Variants in TAS2R40 observed in about 807,000 individuals in gnomAD.
The protein encoded by TAS2R40 is taste 2 receptor member 40, also known as taste receptor type 2 member 40.
In TAS2R40, 14 loss-of-function variants were observed where a neutral mutation model predicts 16.5. The observed-to-expected ratio is 0.85, with a 90% CI of 0.56 to 1.32. The LOEUF (loss-of-function observed/expected upper bound fraction) is 1.32. TAS2R40 is among the 40% of genes most tolerant of loss of function. The pLI is 0.00. For synonymous variants in TAS2R40, 152 were observed against 150.2 expected (o/e 1.01, Z -0.09); for missense variants, 350 against 385.9 (o/e 0.91, Z 0.78).
rs201094318 is a variant in TAS2R40, at chr7:143,222,331, C to T, written c.253C>T (p.Arg85Ter). The T allele has an allele frequency of 1.2e-5, 20 of 1,614,038 alleles. 1 individual carries two copies. The highest frequency in any genetic ancestry group is 5.3e-5 in the African/African-American group (4 of 74,928). ...MLENIFSLLFRIVYNQNSVYI... is the reference protein window; with the variant it reads ...MLENIFSLLF ...GGAGAACATTTTCAGTCTGCTATTCCGAATTGTTTATAACCAAAACTCAGT... is the reference window on the plus strand; with the variant it reads ...GGAGAACATTTTCAGTCTGCTATTCTGAATTGTTTATAACCAAAACTCAGT... The change falls in exon 1 of 1, where the codon CGA becomes TGA. Residue 85 changes from arginine (R) to a stop codon, truncating the protein, a stop_gained. Transcript: ENST00000408947. LOFTEE classifies it high-confidence loss of function.
In TAS2R40 at chr7:143,222,937, G is replaced by A; in HGVS notation, c.859G>A (p.Ala287Thr). 6.2e-7 allele frequency: 1 copy of A among 1,614,140 alleles called. No individual in the cohort carries two copies. Among genetic ancestry groups the A allele is most frequent in the East Asian group, 2.2e-5 (1 of 44,872 alleles). The change falls in exon 1 of 1, where the codon GCC becomes ACC. Residue 287 changes from alanine to threonine, a missense_variant. Transcript: ENST00000408947. The stretch of plus-strand genomic sequence containing the variant: ...TATTTTGTGCAAGATCATCATGGCT[G>A]CCTACCCTGCCGGCCACTCAGTACA... Reference protein sequence around the residue: ...WNILCKIIMAAYPAGHSVQLI... With the variant: ...WNILCKIIMATYPAGHSVQLI...
In TAS2R40 at chr7:143,222,700, A is replaced by G. The variant is rs763043636; in HGVS notation, c.622A>G (p.Met208Val). Residue 208 changes from methionine (M) to valine (V), a missense_variant, in exon 1 of 1, where the codon ATG (methionine) becomes GTG (valine). Met to Val is a conservative substitution (Grantham distance 21). Coordinates refer to ENST00000408947, the MANE Select transcript of TAS2R40 (RefSeq NM_176882.2). Reference sequence around the variant, plus strand: ...CATGGGGATCTTCGTTCCTCTGATCATGTTCATCCTGGCAGCCACCCTGCT... The same window carrying G: ...CATGGGGATCTTCGTTCCTCTGATCGTGTTCATCCTGGCAGCCACCCTGCT... ...YNMGIFVPLI[M>V]FILAATLLIL... 1.2e-6 allele frequency: 2 copies of G among 1,614,090 alleles called. No individual in the cohort carries two copies. The highest frequency in any genetic ancestry group is 2.2e-5 in the East Asian group (1 of 44,870).
Position 143,222,820 on chromosome 7 carries a change from G to A in TAS2R40, c.742G>A (p.Ala248Thr). The change falls in exon 1 of 1, where the codon GCC (alanine) becomes ACC (threonine). Residue 248 changes from alanine (A) to threonine (T), a missense_variant. Physicochemically the swap from Ala to Thr is moderately conservative, Grantham distance 58. Transcript: ENST00000408947. Reference protein sequence around the residue: ...SMKAHIGAIKATSYFLILYIF... With the variant: ...SMKAHIGAIKTTSYFLILYIF... ...GAAGGCTCACATAGGGGCCATCAAA[G>A]CCACCAGCTACTTTCTCATCCTCTA... is the stretch of plus-strand genomic sequence containing the variant. 6.2e-7 allele frequency: 1 copy of A among 1,614,132 alleles called. No individual in the cohort carries two copies. Among genetic ancestry groups the A allele is most frequent in the African/African-American group, 1.3e-5 (1 of 75,040 alleles).
Position 143,222,645 on chromosome 7 carries a change from C to T in TAS2R40, c.567C>T (p.Thr189=). The T allele has an allele frequency of 6.2e-7, 1 of 1,614,106 alleles. No individual in the cohort carries two copies. Residue 189 remains threonine, a synonymous_variant, in exon 1 of 1, where the codon ACC becomes ACT. Coordinates refer to ENST00000408947, the MANE Select transcript of TAS2R40 (RefSeq NM_176882.2). ...CGGAGAAGAAGTACTTCTCTGAGAC[C>T]AATATGGTCAACCTGGTATTTTTCT... ...NSTEKKYFSE[T]NMVNLVFFYN... is the part of the protein sequence containing the mutation.
Position 143,222,108 on chromosome 7 carries a change from T to TA in TAS2R40, c.33dup (p.Asp12ArgfsTer35), listed in dbSNP as rs747905904. ...CAACGGTGAACACAGATGCCACAGATAAAGACATATCCAAGTTCAAGGTCA... is the reference window on the plus strand; with the variant it reads ...CAACGGTGAACACAGATGCCACAGATAAAAGACATATCCAAGTTCAAGGTCA... On this transcript the variant is annotated frameshift_variant, in exon 1 of 1. Transcript: ENST00000408947. LOFTEE classifies it high-confidence loss of function. 6.2e-7 allele frequency: 1 copy of TA among 1,613,916 alleles called. No homozygotes were observed. Among genetic ancestry groups the TA allele is most frequent in the East Asian group, 2.2e-5 (1 of 44,880 alleles).
In TAS2R40 at chr7:143,222,575, A is replaced by T. The variant is rs930215695; in HGVS notation, c.497A>T (p.Asn166Ile). 6.2e-7 allele frequency: 1 copy of T among 1,614,194 alleles called. No homozygotes were observed. The highest frequency in any genetic ancestry group is 8.5e-7 in the Non-Finnish European group (1 of 1,180,026). ...TTTCCTCTCTCGAGAGATGTCTTCAATGTGTATGTGAATAGCTCCATTCCT... is the reference window on the plus strand; with the variant it reads ...TTTCCTCTCTCGAGAGATGTCTTCATTGTGTATGTGAATAGCTCCATTCCT... ...FSFPLSRDVFNVYVNSSIPIP... is the reference protein window; with the variant it reads ...FSFPLSRDVFIVYVNSSIPIP... Residue 166 changes from asparagine to isoleucine, a missense_variant, in exon 1 of 1, where the codon AAT becomes ATT. Coordinates refer to ENST00000408947, the MANE Select transcript of TAS2R40 (RefSeq NM_176882.2).
At position 143,222,282 on chromosome 7, in the gene TAS2R40, C is replaced by T; in HGVS notation, c.204C>T (p.Leu68=). The T allele has an allele frequency of 6.2e-7, 1 of 1,614,166 alleles. No homozygotes were observed. The highest frequency in any genetic ancestry group is 8.5e-7 in the Non-Finnish European group (1 of 1,180,022). ...TGTTGATGCTGAGCTTTTCCAGGCT[C>T]TTGCTACAGATTTGGATGATGCTGG... ...RIMLMLSFSR[L]LLQIWMMLEN... The change falls in exon 1 of 1, where the codon CTC becomes CTT. Residue 68 remains leucine (L), a synonymous_variant. Transcript: ENST00000408947.
rs1479850547 is a variant in TAS2R40 at position 143,222,679 on chromosome 7, G to A, written c.601G>A (p.Gly201Arg). ...MVNLVFFYNM[G>R]IFVPLIMFIL... ...CAACCTGGTATTTTTCTATAACATG[G>A]GGATCTTCGTTCCTCTGATCATGTT... The change falls in exon 1 of 1, where the codon GGG (glycine) becomes AGG (arginine). Residue 201 changes from glycine to arginine, a missense_variant. By Grantham distance (125) the Gly-to-Arg change is moderately radical. Coordinates refer to ENST00000408947, the MANE Select transcript of TAS2R40 (RefSeq NM_176882.2). 15 of 1,613,758 alleles carry A rather than the reference G, an allele frequency of 9.3e-6. No homozygotes were observed. Among genetic ancestry groups the A allele is most frequent in the South Asian group, 2.2e-5 (2 of 91,048 alleles).
At position 143,223,077 on chromosome 7, in the gene TAS2R40, C is replaced by A; in HGVS notation, c.*27C>A. ...TGGAACTCACGGAGTTCTGCGGGAC[C>A]TGGTCCAACCACTTCTGCCTTTGCC... On this transcript the variant is annotated 3_prime_UTR_variant, in exon 1 of 1. Coordinates refer to ENST00000408947, the MANE Select transcript of TAS2R40 (RefSeq NM_176882.2). 1 of 1,565,186 alleles carries A rather than the reference C, an allele frequency of 6.4e-7. No homozygotes were observed. Among genetic ancestry groups the A allele is most frequent in the South Asian group, 1.2e-5 (1 of 82,126 alleles).
rs1408474488 is a variant in TAS2R40, at chr7:143,222,475, C to T, written c.397C>T (p.Leu133=). 3.7e-6 allele frequency: 6 copies of T among 1,614,162 alleles called. No individual in the cohort carries two copies. The highest frequency in any genetic ancestry group is 5.1e-6 in the Non-Finnish European group (6 of 1,180,038). The change falls in exon 1 of 1, where the codon CTG becomes TTG. Residue 133 remains leucine, a synonymous_variant. Coordinates refer to ENST00000408947, the MANE Select transcript of TAS2R40 (RefSeq NM_176882.2). ...AAACTTCAATCATCCTTTGTTCTTCCTGATGAAGAGGAAAATCATAGTGCT... is the reference window on the plus strand; with the variant it reads ...AAACTTCAATCATCCTTTGTTCTTCTTGATGAAGAGGAAAATCATAGTGCT... ...IANFNHPLFF[L]MKRKIIVLMP...
chr7:143,222,761 G>A lies in TAS2R40; in HGVS notation c.683G>A (p.Gly228Glu). The change falls in exon 1 of 1, where the codon GGA becomes GAA. Residue 228 changes from glycine (G) to glutamate (E), a missense_variant. Transcript: ENST00000408947. ...LSLKRHTLHM[G>E]SNATGSRDPS... is the part of the protein sequence containing the mutation. ...CTCAAGAGACACACCCTACACATGG[G>A]AAGCAATGCCACAGGGTCCAGGGAC... 1 of 1,614,112 alleles carries A rather than the reference G, an allele frequency of 6.2e-7. No individual in the cohort carries two copies. The highest frequency in any genetic ancestry group is 1.1e-5 in the South Asian group (1 of 91,086).
chr7:143,222,494 T>C lies in TAS2R40; in HGVS notation c.416T>C (p.Ile139Thr), dbSNP rs1311601671. ...PLFFLMKRKIIVLMPWLLRLS... is the reference protein window; with the variant it reads ...PLFFLMKRKITVLMPWLLRLS... Reference sequence around the variant, plus strand: ...TTCTTCCTGATGAAGAGGAAAATCATAGTGCTGATGCCTTGGCTTCTCAGG... The same window carrying C: ...TTCTTCCTGATGAAGAGGAAAATCACAGTGCTGATGCCTTGGCTTCTCAGG... Residue 139 changes from isoleucine to threonine, a missense_variant, in exon 1 of 1, where the codon ATA (isoleucine) becomes ACA (threonine). Coordinates refer to ENST00000408947, the MANE Select transcript of TAS2R40 (RefSeq NM_176882.2). 17 of 1,614,056 alleles carry C rather than the reference T, an allele frequency of 1.1e-5. No individual in the cohort carries two copies. The highest frequency in any genetic ancestry group is 6.7e-5 in the East Asian group (3 of 44,888).
rs1191958380 is a variant in TAS2R40 at position 143,222,632 on chromosome 7, A to G, written c.554A>G (p.Tyr185Cys). Residue 185 changes from tyrosine to cysteine, a missense_variant, in exon 1 of 1, where the codon TAC (tyrosine) becomes TGC (cysteine). Coordinates refer to ENST00000408947, the MANE Select transcript of TAS2R40 (RefSeq NM_176882.2). The stretch of plus-strand genomic sequence containing the variant: ...TCCTCCAACTCCACGGAGAAGAAGT[A>G]CTTCTCTGAGACCAATATGGTCAAC... ...IPSSNSTEKK[Y>C]FSETNMVNLV... The G allele has an allele frequency of 1.2e-6, 2 of 1,613,936 alleles. No individual in the cohort carries two copies. Among genetic ancestry groups the G allele is most frequent in the Non-Finnish European group, 1.7e-6 (2 of 1,179,884 alleles).
rs149217752 is a variant in TAS2R40, at chr7:143,222,949, G to A, written c.871G>A (p.Gly291Ser). Reference protein sequence around the residue: ...CKIIMAAYPAGHSVQLILGNP... With the variant: ...CKIIMAAYPASHSVQLILGNP... ...GATCATCATGGCTGCCTACCCTGCCGGCCACTCAGTACAACTGATCTTGGG... is the reference window on the plus strand; with the variant it reads ...GATCATCATGGCTGCCTACCCTGCCAGCCACTCAGTACAACTGATCTTGGG... Residue 291 changes from glycine (G) to serine (S), a missense_variant, in exon 1 of 1, where the codon GGC becomes AGC. Gly to Ser is a moderately conservative substitution (Grantham distance 56, BLOSUM62 0). Coordinates refer to ENST00000408947, the MANE Select transcript of TAS2R40 (RefSeq NM_176882.2). 2.9e-3 allele frequency: 4,670 copies of A among 1,614,110 alleles called. 209 individuals carry two copies. The Admixed American group carries it at 0.071, about 24-fold the overall frequency.
Position 143,222,594 on chromosome 7 carries a change from C to T in TAS2R40, c.516C>T (p.Ser172=). Residue 172 remains serine (S), a synonymous_variant, in exon 1 of 1, where the codon TCC becomes TCT. Transcript: ENST00000408947. The part of the protein sequence containing the change: ...RDVFNVYVNS[S]IPIPSSNSTE... ...TCTTCAATGTGTATGTGAATAGCTC[C>T]ATTCCTATCCCCTCCTCCAACTCCA... 1.2e-6 allele frequency: 2 copies of T among 1,614,136 alleles called. No homozygotes were observed. Among genetic ancestry groups the T allele is most frequent in the Non-Finnish European group, 8.5e-7 (1 of 1,180,018 alleles).
In TAS2R40 at chr7:143,222,980, C is replaced by T. The variant is rs1187014643; in HGVS notation, c.902C>T (p.Pro301Leu). Residue 301 changes from proline (P) to leucine (L), a missense_variant, in exon 1 of 1, where the codon CCT (proline) becomes CTT (leucine). By Grantham distance (98) the Pro-to-Leu change is moderately conservative. Coordinates refer to ENST00000408947, the MANE Select transcript of TAS2R40 (RefSeq NM_176882.2). ...TCAGTACAACTGATCTTGGGCAACC[C>T]TGGGCTGAGAAGAGCCTGGAAGCGG... is the stretch of plus-strand genomic sequence containing the variant. ...GHSVQLILGN[P>L]GLRRAWKRFQ... 6.2e-7 allele frequency: 1 copy of T among 1,614,148 alleles called. No homozygotes were observed. The highest frequency in any genetic ancestry group is 1.1e-5 in the South Asian group (1 of 91,082).
rs1201221762 is a variant in TAS2R40 at position 143,222,668 on chromosome 7, T to C, written c.590T>C (p.Phe197Ser). ...ACCAATATGGTCAACCTGGTATTTT[T>C]CTATAACATGGGGATCTTCGTTCCT... ...SETNMVNLVF[F>S]YNMGIFVPLI... Residue 197 changes from phenylalanine (F) to serine (S), a missense_variant, in exon 1 of 1, where the codon TTC (phenylalanine) becomes TCC (serine). By Grantham distance (155) the Phe-to-Ser change is radical. Coordinates refer to ENST00000408947, the MANE Select transcript of TAS2R40 (RefSeq NM_176882.2). 1 of 1,614,008 alleles carries C rather than the reference T, an allele frequency of 6.2e-7. No homozygotes were observed. Among genetic ancestry groups the C allele is most frequent in the East Asian group, 2.2e-5 (1 of 44,880 alleles).
In TAS2R40 at chr7:143,222,289, CA is replaced by C. The variant is rs1397391685; in HGVS notation, c.212del (p.Gln71ArgfsTer4). On this transcript the variant is annotated frameshift_variant, in exon 1 of 1. Transcript: ENST00000408947. LOFTEE classifies it high-confidence loss of function. Reference protein sequence around the residue: ...LMLSFSRLLLQIWMMLENIFS... With the variant: ...LMLSFSRLLLXIWMMLENIFS... ...GCTGAGCTTTTCCAGGCTCTTGCTA[CA>C]GATTTGGATGATGCTGGAGAACATT... The C allele has an allele frequency of 1.2e-5, 20 of 1,614,038 alleles. No homozygotes were observed. Among genetic ancestry groups the C allele is most frequent in the Non-Finnish European group, 1.5e-5 (18 of 1,180,026 alleles).
chr7:143,222,539 T>C lies in TAS2R40; in HGVS notation c.461T>C (p.Leu154Ser), dbSNP rs1441734742. Residue 154 changes from leucine to serine, a missense_variant, in exon 1 of 1, where the codon TTA becomes TCA. Coordinates refer to ENST00000408947, the MANE Select transcript of TAS2R40 (RefSeq NM_176882.2). ...CTCAGGCTGTCAGTGTTGGTTTCCT[T>C]AAGCTTCAGCTTTCCTCTCTCGAGA... Reference protein sequence around the residue: ...WLLRLSVLVSLSFSFPLSRDV... With the variant: ...WLLRLSVLVSSSFSFPLSRDV... The C allele has an allele frequency of 1.9e-6, 3 of 1,614,104 alleles. No homozygotes were observed.
Sources: allele counts gnomAD v4.1 joint callset, GRCh38; gene constraint gnomAD v4.1.1; transcripts MANE v1.5; gene names NCBI Gene and HGNC (gene_info 2026-07-23, HGNC 2026-07-21).